The following CORO7 variants were observed in gnomAD, a reference collection of about 807,000 sequenced individuals.
CORO7 encodes coronin 7.
Under a neutral mutation model 126.6 loss-of-function variants are expected in CORO7, and 107 were observed. That is an observed-to-expected ratio of 0.85 (90% CI 0.72 to 0.99). The LOEUF is 0.99. Among genes scored for constraint, CORO7 ranks in the 50% least tolerant of loss-of-function variants. The pLI is 0.00. For missense variants in CORO7, 1,314 were observed against 1,255.8 expected (o/e 1.05, Z -0.70); for synonymous variants, 603 against 536.8 (o/e 1.12, Z -1.70).
rs36056990 is a variant in CORO7, at chr16:4,362,694, C to G, written c.1320G>C (p.Thr440=). 1 of 1,465,308 alleles carries G rather than the reference C, an allele frequency of 6.8e-7. No homozygotes were observed. The highest frequency in any genetic ancestry group is 1.5e-5 in the African/African-American group (1 of 68,352). 90.8% of individuals were successfully genotyped at this position (1,465,308 alleles called of 1,614,324 possible). The change falls in exon 15 of 28, where the codon ACG becomes ACC. Residue 440 remains threonine, a synonymous_variant. Transcript: ENST00000251166. This position sits in a 1 kb window ranked among gnomAD's most constrained non-coding sequence, Gnocchi z 5.3. ...AGAGTGAGGGCCCCAGGCTGGAGGG[C>G]GTGGAGGGCGAGGTCAGCGAACTGG... ...SPPSSLTSPS[T]PSSLGPSLSS... is the part of the protein sequence containing the mutation.
rs778883203 is a variant in CORO7, at chr16:4,360,304, G to A, written c.2082C>T (p.Arg694=). The A allele has an allele frequency of 6.2e-7, 1 of 1,613,658 alleles. No individual in the cohort carries two copies. The highest frequency in any genetic ancestry group is 2.2e-5 in the East Asian group (1 of 44,850). ...GARIVWVCDG[R]CLLVSGFDSQ... is the part of the protein sequence containing the mutation. ...TGTCAAAGCCAGACACCAGCAGACA[G>A]CGACCATCACATACCCAGACAATGC... is the stretch of plus-strand genomic sequence containing the variant. Residue 694 remains arginine, a synonymous_variant, in exon 21 of 28, where the codon CGC becomes CGT. Coordinates refer to ENST00000251166, the MANE Select transcript of CORO7 (RefSeq NM_024535.5).
Position 4,412,430 on chromosome 16 carries a change from C to T in CORO7, c.158G>A (p.Gly53Asp), listed in dbSNP as rs757689189. The change falls in exon 3 of 28, where the codon GGT becomes GAT. Residue 53 changes from glycine (G) to aspartate (D), a missense_variant and splice_region_variant. Physicochemically the swap from Gly to Asp is moderately conservative, Grantham distance 94. Coordinates refer to ENST00000251166, the MANE Select transcript of CORO7 (RefSeq NM_024535.5). ...SLIAFNSDRPGVLGIVPLQGQ... is the reference protein window; with the variant it reads ...SLIAFNSDRPDVLGIVPLQGQ... ...TTGCAGAGGCACAATGCCCAGTACA[C>T]CTGTTAAACAAACACGGGGACTCTG... 1.2e-6 allele frequency: 2 copies of T among 1,614,064 alleles called. No individual in the cohort carries two copies. Among genetic ancestry groups the T allele is most frequent in the Admixed American group, 3.3e-5 (2 of 60,004 alleles).
rs771356440 is a variant in CORO7, at chr16:4,388,597, C to A, written c.650G>T (p.Arg217Leu). 1.2e-6 allele frequency: 2 copies of A among 1,612,926 alleles called. No individual in the cohort carries two copies. Among genetic ancestry groups the A allele is most frequent in the African/African-American group, 2.7e-5 (2 of 74,930 alleles). Residue 217 changes from arginine to leucine, a missense_variant, in exon 8 of 28, where the codon CGG becomes CTG. Physicochemically the swap from Arg to Leu is moderately radical, Grantham distance 102. Transcript: ENST00000251166. The part of the protein sequence containing the change: ...TQAHENSRDS[R>L]LAWMGTWEHL... ...CTCCCAGGTGCCCATCCATGCCAGC[C>A]GGCTATCCCTGCTGTTCTCATGGGC...
chr16:4,397,104 A>G (rs150287501), intron 6 of CORO7, among the ~76,000 whole-genome samples: 1 of 152,188 alleles, frequency 6.6e-6, no homozygotes, highest in Admixed American at 6.5e-5. Flanking sequence ...ATGCTCCTCA[A>G]CATACAATGG....
chr16:4,411,205 C>T (rs2056195867), intron 3 of CORO7, among the ~76,000 whole-genome samples: 2 of 152,124 alleles, frequency 1.3e-5, no homozygotes, highest in South Asian at 4.1e-4. Flanking sequence ...GGCTGGGCAA[C>T]ATAACAAGAC....
rs12756 is a variant in CORO7, at chr16:4,354,856, G to A, written c.*302C>T. On this transcript the variant is annotated 3_prime_UTR_variant, in exon 28 of 28. Coordinates refer to ENST00000251166, the MANE Select transcript of CORO7 (RefSeq NM_024535.5). Reference sequence around the variant, plus strand: ...CCAGCCCAGGTCAGCAGTGAGACCAGGGGAGACAGGGTGCCCAGGGCCTGC... The same window carrying A: ...CCAGCCCAGGTCAGCAGTGAGACCAAGGGAGACAGGGTGCCCAGGGCCTGC... 0.092 allele frequency: 37,394 copies of A among 406,492 alleles called. 2,314 individuals are homozygous for A. The highest frequency in any genetic ancestry group is 0.21 in the African/African-American group (10,584 of 49,528). 25.2% of individuals were successfully genotyped at this position (406,492 alleles called of 1,614,324 possible).
In CORO7 at chr16:4,380,395, G is replaced by A. The variant is rs569295996; in HGVS notation, c.785+7591C>T. Among the ~76,000 whole-genome samples, 13 of 152,344 alleles carry A rather than the reference G, an allele frequency of 8.5e-5. No homozygotes were observed. In the South Asian group the frequency reaches 2.5e-3, roughly 29 times the overall value. Reference sequence around the variant, plus strand: ...CTGCATTCCCTCCTCCAAGGAGGGCGGGACACGGAGCGTGGCAGCAGGAGC... The same window carrying A: ...CTGCATTCCCTCCTCCAAGGAGGGCAGGACACGGAGCGTGGCAGCAGGAGC... On this transcript the variant is annotated intron_variant, in intron 9 of 27. Transcript: ENST00000251166.
At chr16:4,361,141 C>T in intron 18 of CORO7, 21 bp downstream of exon 18, 1 of 1,613,324 alleles carries the variant, frequency 6.2e-7, no homozygotes, top group Non-Finnish European at 8.5e-7. Flanking sequence ...CACCCCAGCC[C>T]CATTCCTGAG....
chr16:4,371,391 C>T (rs2054514837), intron 9 of CORO7, among the ~76,000 whole-genome samples: 1 of 152,154 alleles, frequency 6.6e-6, no homozygotes, highest in African/African-American at 2.4e-5. Flanking sequence ...GAGATTTCAC[C>T]TAAAAATCTG....
At chr16:4,381,912 C>A in intron 9 of CORO7, 1 of 1,606,352 alleles carries the variant, frequency 6.2e-7, no homozygotes, top group South Asian at 1.1e-5. Context: ...TTGACTACGC[C>A]GACTTTGGCT....
intron 16 of CORO7, 187 bp from the exon 17 acceptor site, chr16:4,361,656 CAG>C (rs1678709512): frequency 1.2e-6 from 1 of 828,980 alleles, no homozygotes; most frequent in Admixed American, 2.0e-5. Context: ...CACAAGGCCC[CAG>C]AGAGTGAGGG....
rs1248141699 is a variant in CORO7 at position 4,412,617 on chromosome 16, C to T, written c.158-187G>A. On this transcript the variant is annotated intron_variant, in intron 2 of 27. Transcript: ENST00000251166. Reference sequence around the variant, plus strand: ...GTAGGTTCTGGCCCCATGCATGAGCCATCCATGCCTCAGATGGATACAGAA... The same window carrying T: ...GTAGGTTCTGGCCCCATGCATGAGCTATCCATGCCTCAGATGGATACAGAA... 14 of 611,556 alleles carry T rather than the reference C, an allele frequency of 2.3e-5. 1 individual carries two copies. The Admixed American group carries it at 4.3e-4, about 19-fold the overall frequency. The allele number at this position is 611,556 out of a possible 1,614,324, so 37.9% of individuals were successfully genotyped here. A position where few individuals can be genotyped will look rare whatever the true frequency, so the allele number is the denominator to read the frequency against.
chr16:4,406,591 C>T (rs1017659259), intron 5 of CORO7, among the ~76,000 whole-genome samples: 1 of 152,140 alleles, frequency 6.6e-6, no homozygotes, highest in Non-Finnish European at 1.5e-5. Context: ...TGCGCCACGA[C>T]GCCCATCCAA....
At chr16:4,404,226 A>G (rs1342018811) in intron 6 of CORO7, among the ~76,000 whole-genome samples, 1 of 152,178 alleles carries the variant, frequency 6.6e-6, no homozygotes, top group African/African-American at 2.4e-5. Flanking sequence ...CTCCATTCCC[A>G]GGCCTCTCAG....
intron 9 of CORO7, among the ~76,000 whole-genome samples, chr16:4,378,053 T>C (rs895157485): frequency 1.3e-5 from 2 of 152,128 alleles, no homozygotes; most frequent in African/African-American, 4.8e-5. Context: ...AGCCCAGAGC[T>C]ATGGCTGGTC....
At chr16:4,370,839 C>T (rs1426185471) in intron 9 of CORO7, among the ~76,000 whole-genome samples, 1 of 152,234 alleles carries the variant, frequency 6.6e-6, no homozygotes, top group Non-Finnish European at 1.5e-5. Flanking sequence ...TAGAGCTAGC[C>T]CAGCCAAGGG....
chr16:4,377,879 G>C (rs926220041), intron 9 of CORO7, among the ~76,000 whole-genome samples: 4 of 152,130 alleles, frequency 2.6e-5, no homozygotes, highest in Non-Finnish European at 4.4e-5. Flanking sequence ...GGTCAGCCCA[G>C]GACCCCAGCC....
chr16:4,408,506 T>A (rs1311253744), intron 3 of CORO7, among the ~76,000 whole-genome samples: 1 of 152,212 alleles, frequency 6.6e-6, no homozygotes, highest in African/African-American at 2.4e-5. Flanking sequence ...AGGAAGCCGC[T>A]TGAGTCACCA....
At chr16:4,391,490 A>G (rs915902940) in intron 7 of CORO7, among the ~76,000 whole-genome samples, 2 of 152,158 alleles carry the variant, frequency 1.3e-5, no homozygotes, top group African/African-American at 4.8e-5. Context: ...TGGGAGGTGG[A>G]GCTCGCAGTG....
Sources: gnomAD v4.1 joint callset for allele counts (sites outside exome capture counted in the v4.1 genomes callset) on GRCh38, gnomAD v4.1.1 for gene constraint, Gnocchi (gnomAD v3.1) non-coding constraint, MANE v1.5 for transcripts, NCBI Gene and HGNC (gene_info 2026-07-23, HGNC 2026-07-21) for gene names.